GRIK4: variants seen among roughly 807,000 people sequenced by gnomAD.
GRIK4 encodes the protein glutamate receptor ionotropic, kainate 4.
GRIK4 carries 40 observed loss-of-function variants against 104.9 expected under a neutral mutation model. The ratio of observed to expected loss-of-function variants is 0.38; its 90% CI spans 0.30 to 0.50. The LOEUF is 0.50. Among genes scored for constraint, GRIK4 ranks in the 20% least tolerant of loss-of-function variants. GRIK4 has a pLI of 0.93. For missense variants in GRIK4, 1,047 were observed against 1,308.1 expected (o/e 0.80, Z 3.08); for synonymous variants, 485 against 524.9 (o/e 0.92, Z 1.04).
At chr11:120,654,100 CT>C in intron 2 of GRIK4, among the ~76,000 whole-genome samples, 1 of 152,354 alleles carries the variant, frequency 6.6e-6, no homozygotes, top group East Asian at 1.9e-4. Context: ...AGGTTGGAAG[CT>C]GTACTGACAT....
intron 1 of GRIK4, among the ~76,000 whole-genome samples, chr11:120,563,846 C>T (rs1468654373): frequency 6.6e-6 from 1 of 152,218 alleles, no homozygotes; most frequent in Non-Finnish European, 1.5e-5. Context: ...CCAGTTCTGG[C>T]GCCTCCCACA....
At chr11:120,787,837 TTTTTC>T (rs1420520665) in intron 3 of GRIK4, among the ~76,000 whole-genome samples, 1 of 132,472 alleles carries the variant, frequency 7.5e-6, no homozygotes, top group Non-Finnish European at 1.6e-5. Flanking sequence ...TTTCTTCTCT[TTTTTC>T]TTTTCTTTTC....
Position 120,951,291 on chromosome 11 carries a change from G to C in GRIK4, c.1591-1564G>C, listed in dbSNP as rs753607525. 1.1e-3 allele frequency among the ~76,000 whole-genome samples: 166 copies of C among 152,330 alleles called. 1 individual carries two copies. The highest frequency in any genetic ancestry group is 1.7e-3 in the Non-Finnish European group (114 of 68,030). ...GGGGCTATGCAAATACAACAGGAGC[G>C]TGCAGAACTGTCTCCTCCCACCTGC... On this transcript the variant is annotated intron_variant, in intron 14 of 20. Coordinates refer to ENST00000527524, the MANE Select transcript of GRIK4 (RefSeq NM_014619.5).
chr11:120,959,995 T>C (rs1944253175), intron 16 of GRIK4, among the ~76,000 whole-genome samples: 1 of 151,938 alleles, frequency 6.6e-6, no homozygotes, highest in African/African-American at 2.4e-5. Context: ...AGCCACTGCA[T>C]TCCAGCCTGG....
chr11:120,715,740 C>T (rs1020868087), intron 3 of GRIK4, among the ~76,000 whole-genome samples: 8 of 152,332 alleles, frequency 5.3e-5, no homozygotes, highest in Non-Finnish European at 1.2e-4. Flanking sequence ...CACCAGGCCA[C>T]GTGGGCGCCA....
At chr11:120,712,284 G>C (rs1332767192) in intron 3 of GRIK4, among the ~76,000 whole-genome samples, 1 of 152,190 alleles carries the variant, frequency 6.6e-6, no homozygotes, top group Non-Finnish European at 1.5e-5. Flanking sequence ...GTTGGGAAGA[G>C]AGGGGGAAAC....
intron 6 of GRIK4, among the ~76,000 whole-genome samples, chr11:120,827,609 C>T (rs913908897): frequency 1.7e-4 from 26 of 152,298 alleles, no homozygotes; most frequent in African/African-American, 4.8e-4. Context: ...AATGACAATT[C>T]GAAAATGCCA....
intron 3 of GRIK4, among the ~76,000 whole-genome samples, chr11:120,780,254 ACTAT>A (rs1476766590): frequency 6.6e-6 from 1 of 152,194 alleles, no homozygotes; most frequent in South Asian, 2.1e-4. Flanking sequence ...AACCATCACC[ACTAT>A]CTATCTCCAG....
intron 1 of GRIK4, among the ~76,000 whole-genome samples, chr11:120,518,235 CT>C (rs1265746129): frequency 3.9e-5 from 6 of 152,198 alleles, no homozygotes; most frequent in African/African-American, 1.4e-4. Context: ...AGCAGTGCAA[CT>C]TTGGGCACAA....
intron 3 of GRIK4, among the ~76,000 whole-genome samples, chr11:120,675,692 C>T (rs999164253): frequency 3.9e-5 from 6 of 152,032 alleles, no homozygotes; most frequent in African/African-American, 1.2e-4. Flanking sequence ...AGCATGTGAT[C>T]TTGGGCAAAT....
chr11:120,655,505 A>G (rs1479926084), intron 2 of GRIK4, among the ~76,000 whole-genome samples: 4 of 152,168 alleles, frequency 2.6e-5, no homozygotes, highest in African/African-American at 7.2e-5. Flanking sequence ...CTAAGACTTC[A>G]GGGCAGGAGT....
chr11:120,918,520 G>A (rs931189620), intron 13 of GRIK4, among the ~76,000 whole-genome samples: 1 of 152,218 alleles, frequency 6.6e-6, no homozygotes, highest in Non-Finnish European at 1.5e-5. Context: ...AAGGAGGAAT[G>A]GGGTGTGAAA....
intron 6 of GRIK4, among the ~76,000 whole-genome samples, chr11:120,827,160 TATA>T (rs2135555917): frequency 1.3e-5 from 2 of 152,288 alleles, no homozygotes; most frequent in South Asian, 2.1e-4. Context: ...TGTTTATTTT[TATA>T]ATATTTTTTG....
chr11:120,815,673 G>A (rs530611901), intron 5 of GRIK4, among the ~76,000 whole-genome samples, 198 bp downstream of exon 5: 2 of 152,322 alleles, frequency 1.3e-5, no homozygotes, highest in African/African-American at 4.8e-5. Context: ...TCTCGGAGGA[G>A]GTGTTTGACA....
intron 3 of GRIK4, among the ~76,000 whole-genome samples, chr11:120,786,744 G>A (rs527269781): frequency 6.6e-6 from 1 of 152,326 alleles, no homozygotes; most frequent in African/African-American, 2.4e-5. Context: ...GGAAGATGAA[G>A]ATGAGACCTT....
chr11:120,644,599 G>A lies in GRIK4; in HGVS notation c.-158-9086G>A, dbSNP rs189926513. 1.7e-3 allele frequency among the ~76,000 whole-genome samples: 262 copies of A among 152,284 alleles called. 1 individual carries two copies. Among genetic ancestry groups the A allele is most frequent in the Non-Finnish European group, 2.8e-3 (189 of 68,026 alleles). ...GCCTGGAATATCGCTGCCTCTTTCC[G>A]TGGCCTGATGTCTCAGGAGGAGGAG... On this transcript the variant is annotated intron_variant, in intron 1 of 20. Coordinates refer to ENST00000527524, the MANE Select transcript of GRIK4 (RefSeq NM_014619.5).
chr11:120,779,718 T>C (rs1175400302), intron 3 of GRIK4, among the ~76,000 whole-genome samples: 2 of 152,234 alleles, frequency 1.3e-5, no homozygotes, highest in Non-Finnish European at 2.9e-5. Flanking sequence ...ACCTAAATCA[T>C]GAGGCAGGAA....
At chr11:120,764,597 G>GTTTTTGTT (rs1555057584) in intron 3 of GRIK4, among the ~76,000 whole-genome samples, 2 of 104,866 alleles carry the variant, frequency 1.9e-5, no homozygotes, top group African/African-American at 4.3e-5. Context: ...TTTTGTTTTT[G>GTTTTTGTT]TTTTTTTTTT....
Position 120,950,533 on chromosome 11 carries a change from A to G in GRIK4, c.1591-2322A>G, listed in dbSNP as rs138912659. On this transcript the variant is annotated intron_variant, in intron 14 of 20. Coordinates refer to ENST00000527524, the MANE Select transcript of GRIK4 (RefSeq NM_014619.5). ...TTTTTCAGTTGAGAGACAGATTGAA[A>G]TAGTCATAAGTGACAGGGCATGTGG... Among the ~76,000 whole-genome samples the G allele has an allele frequency of 1.8e-4, 28 of 152,370 alleles. No individual in the cohort carries two copies. In the East Asian group the frequency reaches 4.4e-3, roughly 24 times the overall value.
Sources: allele counts gnomAD v4.1 joint callset (sites outside exome capture counted in the v4.1 genomes callset), GRCh38; gene constraint gnomAD v4.1.1; transcripts MANE v1.5; gene names NCBI Gene and HGNC (gene_info 2026-07-23, HGNC 2026-07-21).